Variants in NTRK3 observed in about 807,000 individuals in gnomAD.
NTRK3 encodes the protein neurotrophic receptor tyrosine kinase 3, also known as NT-3 growth factor receptor.
NTRK3 carries 24 observed loss-of-function variants against 91.7 expected under a neutral mutation model. That is an observed-to-expected ratio of 0.26 (90% CI 0.19 to 0.37). NTRK3 has a LOEUF of 0.37. Among genes scored for constraint, NTRK3 ranks in the 10% least tolerant of loss-of-function variants. The pLI is 1.00. For synonymous variants in NTRK3, 483 were observed against 404.0 expected (o/e 1.20, Z -2.34); for missense variants, 880 against 1,068.9 (o/e 0.82, Z 2.46).
intron 17 of NTRK3, among the ~76,000 whole-genome samples, chr15:87,882,819 TTAAC>T (rs896462870): frequency 3.3e-5 from 5 of 152,124 alleles, no homozygotes; most frequent in East Asian, 3.9e-4. Flanking sequence ...GCCAAAATCT[TTAAC>T]TAATACCAAA....
chr15:87,995,106 T>C (rs1264394584), intron 14 of NTRK3, among the ~76,000 whole-genome samples: 6 of 152,200 alleles, frequency 3.9e-5, no homozygotes, highest in African/African-American at 1.4e-4. Flanking sequence ...TCACATAGGT[T>C]TAGGAGAACA....
At chr15:88,253,196 C>T (rs1031944724) in intron 3 of NTRK3, 3 of 152,246 alleles carry the variant, frequency 2.0e-5, no homozygotes, top group African/African-American at 7.2e-5. Flanking sequence ...TAGGGGACCT[C>T]TTGGTCCCAT....
intron 14 of NTRK3, among the ~76,000 whole-genome samples, chr15:88,005,593 G>T (rs1364222441): frequency 2.0e-5 from 3 of 152,016 alleles, no homozygotes; most frequent in Non-Finnish European, 4.4e-5. Context: ...TCCATGCATG[G>T]AACAGACCAC....
intron 3 of NTRK3, among the ~76,000 whole-genome samples, chr15:88,232,062 G>T (rs951467568): frequency 1.3e-5 from 2 of 152,040 alleles, no homozygotes; most frequent in African/African-American, 2.4e-5. Flanking sequence ...GCTCATCTGT[G>T]GCCGCTCATG....
At chr15:88,254,524 T>C (rs192749421) in intron 3 of NTRK3, among the ~76,000 whole-genome samples, 1 of 152,070 alleles carries the variant, frequency 6.6e-6, no homozygotes, top group Non-Finnish European at 1.5e-5. Context: ...TCCCTCAAAC[T>C]GTCAGCTGCG....
At chr15:88,228,784 C>G (rs540974794) in intron 3 of NTRK3, among the ~76,000 whole-genome samples, 9 of 152,278 alleles carry the variant, frequency 5.9e-5, no homozygotes, top group Middle Eastern at 3.4e-3. Flanking sequence ...TGGCAGCACC[C>G]CCAGAAGCCC....
At chr15:88,085,025 T>G (rs923866821) in intron 13 of NTRK3, among the ~76,000 whole-genome samples, 1 of 152,222 alleles carries the variant, frequency 6.6e-6, no homozygotes, top group Non-Finnish European at 1.5e-5. Context: ...GAGTTTAGCA[T>G]GAATTCTTAG....
intron 14 of NTRK3, among the ~76,000 whole-genome samples, chr15:88,015,719 A>ACT (rs544121849): frequency 1.9e-4 from 29 of 152,160 alleles, no homozygotes; most frequent in African/African-American, 6.0e-4. Flanking sequence ...TCTCAGCCTC[A>ACT]CTGCATTGAC....
chr15:87,962,021 G>C (rs993157108), intron 14 of NTRK3, among the ~76,000 whole-genome samples: 2 of 152,198 alleles, frequency 1.3e-5, no homozygotes, highest in Non-Finnish European at 2.9e-5. Flanking sequence ...CAGGGATCTT[G>C]GAATGCACAT....
rs541402886 is a variant in NTRK3, at chr15:88,113,516, A to G, written c.1396+12755T>C. ...TTTTTAGTAGAGATGGAGTTTCGCC[A>G]TGTTGGCCAGGCTGGTCTCAAACTC... On this transcript the variant is annotated intron_variant, in intron 13 of 18. Transcript: ENST00000394480. Among the ~76,000 whole-genome samples the G allele has an allele frequency of 7.6e-4, 116 of 152,166 alleles. 1 individual carries two copies. Among genetic ancestry groups the G allele is most frequent in the African/African-American group, 2.5e-3 (105 of 41,534 alleles).
intron 17 of NTRK3, among the ~76,000 whole-genome samples, chr15:87,895,660 T>G (rs1567080335): frequency 6.6e-6 from 1 of 152,174 alleles, no homozygotes; most frequent in Non-Finnish European, 1.5e-5. Flanking sequence ...GATAATCAGC[T>G]AAGAGCCAGG....
intron 5 of NTRK3, among the ~76,000 whole-genome samples, chr15:88,162,351 C>G (rs2044537057): frequency 6.6e-6 from 1 of 152,176 alleles, no homozygotes; most frequent in Admixed American, 6.5e-5. Context: ...GTGCCCACCA[C>G]ATGGTAGGCA....
intron 13 of NTRK3, among the ~76,000 whole-genome samples, chr15:88,124,142 G>A (rs1017631645): frequency 2.6e-5 from 4 of 152,170 alleles, no homozygotes; most frequent in African/African-American, 4.8e-5. Flanking sequence ...AAGAGATTCA[G>A]GCTTAATTCT....
exon 7 of NTRK3, chr15:88,137,480 G>A: frequency 6.2e-7 from 1 of 1,614,174 alleles, no homozygotes; most frequent in Non-Finnish European, 8.5e-7. Context: ...TCTGGCTGTT[G>A]AGCTTGGCCT....
chr15:88,157,161 G>A (rs1282974945), intron 5 of NTRK3, among the ~76,000 whole-genome samples: 5 of 152,072 alleles, frequency 3.3e-5, no homozygotes, highest in Admixed American at 3.3e-4. Context: ...CCATTGCGCA[G>A]CCAAGCCAGA....
At chr15:87,886,766 T>TATA (rs1397482585) in intron 17 of NTRK3, among the ~76,000 whole-genome samples, 8 of 141,302 alleles carry the variant, frequency 5.7e-5, no homozygotes, top group African/African-American at 2.2e-4. Flanking sequence ...ATATATATAT[T>TATA]TCTATGCTGT....
chr15:87,956,731 T>C (rs375232835), intron 14 of NTRK3, among the ~76,000 whole-genome samples: 9 of 149,980 alleles, frequency 6.0e-5, no homozygotes, highest in African/African-American at 2.2e-4. Context: ...CCAACATGCC[T>C]GGCTAATTTT....
At chr15:88,166,492 T>C (rs1043437887) in intron 5 of NTRK3, among the ~76,000 whole-genome samples, 3 of 152,144 alleles carry the variant, frequency 2.0e-5, no homozygotes, top group South Asian at 4.1e-4. Flanking sequence ...CGCTTCTCTC[T>C]GGGGAGCTGT....
At chr15:88,065,093 G>C (rs923333531) in intron 13 of NTRK3, among the ~76,000 whole-genome samples, 24 of 152,098 alleles carry the variant, frequency 1.6e-4, no homozygotes, top group Non-Finnish European at 7.4e-5. Context: ...AGTGTTCCCT[G>C]AATTTTACAG....
Sources: gnomAD v4.1 joint callset for allele counts (sites outside exome capture counted in the v4.1 genomes callset) on GRCh38, gnomAD v4.1.1 for gene constraint, MANE v1.5 for transcripts, NCBI Gene and HGNC (gene_info 2026-07-23, HGNC 2026-07-21) for gene names.